GMDS: variants seen among roughly 807,000 people sequenced by gnomAD.
GMDS encodes GDP-mannose 4,6-dehydratase.
In GMDS, 20 loss-of-function variants were observed where a neutral mutation model predicts 49.9. That is an observed-to-expected ratio of 0.40 (90% CI 0.28 to 0.58). The LOEUF is 0.58. Ranked by LOEUF, GMDS falls within the 20% of genes least tolerant of loss-of-function variation. The pLI is 0.42. For synonymous variants in GMDS, 177 were observed against 178.6 expected (o/e 0.99, Z 0.07); for missense variants, 362 against 481.4 (o/e 0.75, Z 2.32).
intron 7 of GMDS, among the ~76,000 whole-genome samples, chr6:1,923,003 T>C (rs1404098649): frequency 6.6e-6 from 1 of 152,176 alleles, no homozygotes; most frequent in African/African-American, 2.4e-5. Flanking sequence ...ACAAGAGCTG[T>C]TGGCTTTAAA....
At chr6:1,792,954 A>T (rs1462555628) in intron 7 of GMDS, among the ~76,000 whole-genome samples, 2 of 152,170 alleles carry the variant, frequency 1.3e-5, no homozygotes, top group Non-Finnish European at 2.9e-5. Context: ...TGCTCTGGGA[A>T]ATTTTCTTCA....
At chr6:1,756,683 G>A (rs549423688) in intron 7 of GMDS, among the ~76,000 whole-genome samples, 15 of 152,348 alleles carry the variant, frequency 9.8e-5, no homozygotes, top group African/African-American at 2.6e-4. Flanking sequence ...GACTGGGGCA[G>A]TGGGGCCAAG....
intron 7 of GMDS, among the ~76,000 whole-genome samples, chr6:1,790,552 T>G (rs972146355): frequency 6.6e-6 from 1 of 152,246 alleles, no homozygotes; most frequent in Non-Finnish European, 1.5e-5. Flanking sequence ...AAAAATTTCA[T>G]GAGGCAAATT....
At chr6:2,058,619 T>C (rs1436207056) in intron 4 of GMDS, among the ~76,000 whole-genome samples, 2 of 152,158 alleles carry the variant, frequency 1.3e-5, no homozygotes, top group Non-Finnish European at 2.9e-5. Flanking sequence ...TCAGGATTCC[T>C]GGGAAGGGAT....
At chr6:1,812,076 T>C (rs1770451917) in intron 7 of GMDS, among the ~76,000 whole-genome samples, 1 of 152,186 alleles carries the variant, frequency 6.6e-6, no homozygotes, top group South Asian at 2.1e-4. Flanking sequence ...TAAATACAGA[T>C]CTGCACTAGT....
At chr6:1,634,601 A>G (rs1763087222) in intron 9 of GMDS, among the ~76,000 whole-genome samples, 1 of 152,120 alleles carries the variant, frequency 6.6e-6, no homozygotes, top group African/African-American at 2.4e-5. Context: ...TTTGAACTCC[A>G]TCCTTTACCG....
At chr6:1,889,531 C>T (rs189365643) in intron 7 of GMDS, among the ~76,000 whole-genome samples, 3 of 152,288 alleles carry the variant, frequency 2.0e-5, no homozygotes, top group East Asian at 1.9e-4. Context: ...AGGAACTTCA[C>T]GTTTCCCTCT....
chr6:2,205,944 G>A (rs191571151), intron 1 of GMDS, among the ~76,000 whole-genome samples: 24 of 152,214 alleles, frequency 1.6e-4, no homozygotes, highest in African/African-American at 5.1e-4. Context: ...ATTTTTCACT[G>A]TAACAGTTTG....
intron 7 of GMDS, among the ~76,000 whole-genome samples, chr6:1,844,132 A>G (rs1252855151): frequency 1.3e-5 from 2 of 152,364 alleles, no homozygotes; most frequent in Admixed American, 6.5e-5. Context: ...TCGAATTCCC[A>G]TGATAATCCC....
At chr6:1,779,458 G>A (rs2113604985) in intron 7 of GMDS, among the ~76,000 whole-genome samples, 1 of 152,310 alleles carries the variant, frequency 6.6e-6, no homozygotes, top group Admixed American at 6.5e-5. Context: ...AGGTAACTGT[G>A]TGTGAATTGA....
In GMDS at chr6:2,141,060, T is replaced by G. The variant is rs553551286; in HGVS notation, c.103-16329A>C. ...AGAAGTGTTGTGCTAGAGAGCAATATTCAAATGGGAAACAAAATAGCAGTA... is the reference window on the plus strand; with the variant it reads ...AGAAGTGTTGTGCTAGAGAGCAATAGTCAAATGGGAAACAAAATAGCAGTA... On this transcript the variant is annotated intron_variant, in intron 1 of 10. Transcript: ENST00000380815. Among the ~76,000 whole-genome samples the G allele has an allele frequency of 2.0e-5, 3 of 152,234 alleles. No individual in the cohort carries two copies. The East Asian group carries it at 5.8e-4, about 29-fold the overall frequency.
chr6:1,818,733 T>C (rs951518767), intron 7 of GMDS, among the ~76,000 whole-genome samples: 7 of 151,762 alleles, frequency 4.6e-5, no homozygotes, highest in Non-Finnish European at 7.4e-5. Flanking sequence ...TATATATACA[T>C]ATATACATAC....
At chr6:2,162,662 ACAC>A (rs1777460972) in intron 1 of GMDS, among the ~76,000 whole-genome samples, 1 of 26,094 alleles carries the variant, frequency 3.8e-5, no homozygotes, top group Non-Finnish European at 6.0e-5. Context: ...ACATTCCAAC[ACAC>A]ACACACACAC....
intron 1 of GMDS, among the ~76,000 whole-genome samples, chr6:2,156,593 CTTTGT>C (rs921047215): frequency 7.9e-5 from 12 of 152,170 alleles, no homozygotes; most frequent in East Asian, 5.8e-4. Context: ...TGTAGTGATA[CTTTGT>C]TTTAAGAAAT....
chr6:1,911,251 T>G (rs1163477227), intron 7 of GMDS, among the ~76,000 whole-genome samples: 1 of 152,182 alleles, frequency 6.6e-6, no homozygotes, highest in Non-Finnish European at 1.5e-5. Flanking sequence ...AGAAGGGCAG[T>G]CAGAAAGTTC....
intron 4 of GMDS, among the ~76,000 whole-genome samples, chr6:2,052,199 C>A (rs1770462027): frequency 6.6e-6 from 1 of 151,242 alleles, no homozygotes; most frequent in Non-Finnish European, 1.5e-5. Context: ...GTCTACTTCA[C>A]CTTTTAGTTC....
chr6:2,213,743 A>G (rs1309416545), intron 1 of GMDS, among the ~76,000 whole-genome samples: 1 of 152,140 alleles, frequency 6.6e-6, no homozygotes, highest in African/African-American at 2.4e-5. Flanking sequence ...AGTGGGGTCT[A>G]TGAGAATAGG....
At chr6:2,207,613 G>A (rs1329150166) in intron 1 of GMDS, among the ~76,000 whole-genome samples, 1 of 151,958 alleles carries the variant, frequency 6.6e-6, no homozygotes, top group African/African-American at 2.4e-5. Context: ...TAACTTGTCT[G>A]CATTGTTCCT....
intron 4 of GMDS, among the ~76,000 whole-genome samples, chr6:2,099,358 C>T (rs75946972): frequency 1.1e-3 from 175 of 152,182 alleles, no homozygotes; most frequent in African/African-American, 3.9e-3. Context: ...AATATAGTTA[C>T]GGCATGAAAT....
Sources: gnomAD v4.1 joint callset for allele counts (sites outside exome capture counted in the v4.1 genomes callset) on GRCh38, gnomAD v4.1.1 for gene constraint, MANE v1.5 for transcripts, NCBI Gene and HGNC (gene_info 2026-07-23, HGNC 2026-07-21) for gene names.